Variants in FARP1 observed in about 807,000 individuals in gnomAD.
The protein encoded by FARP1 is FERM, ARH/RhoGEF and pleckstrin domain protein 1.
FARP1 carries 52 observed loss-of-function variants against 128.8 expected under a neutral mutation model. The observed-to-expected ratio is 0.40, with a 90% CI of 0.32 to 0.51. The LOEUF (loss-of-function observed/expected upper bound fraction) is 0.51, where lower values mean the gene tolerates loss of function less well. Ranked by LOEUF, FARP1 falls within the 20% of genes least tolerant of loss-of-function variation. The pLI is 0.45. For missense variants in FARP1, 1,333 were observed against 1,367.9 expected, an observed-to-expected ratio of 0.97 and a Z score of 0.40; for synonymous variants, 580 against 551.8, an observed-to-expected ratio of 1.05 and a Z score of -0.72.
chr13:98,288,775 A>G (rs150104232), intron 2 of FARP1, among the ~76,000 whole-genome samples: 18 of 152,306 alleles, frequency 1.2e-4, no homozygotes, highest in African/African-American at 4.3e-4. Flanking sequence ...CCCCTGCTGG[A>G]TATCCAGTGA....
At chr13:98,150,478 A>G (rs931696918) in intron 1 of FARP1, among the ~76,000 whole-genome samples, 8 of 152,240 alleles carry the variant, frequency 5.3e-5, no homozygotes, top group Admixed American at 3.3e-4. Flanking sequence ...CTTTGTAAAG[A>G]TCTACATAGT....
At chr13:98,151,896 A>C (rs1379501244) in intron 1 of FARP1, among the ~76,000 whole-genome samples, 1 of 151,964 alleles carries the variant, frequency 6.6e-6, no homozygotes, top group Admixed American at 6.6e-5. Flanking sequence ...TCCTGACTTC[A>C]GGTGATCTGT....
At chr13:98,225,967 C>A (rs527854827) in intron 2 of FARP1, among the ~76,000 whole-genome samples, 39 of 151,878 alleles carry the variant, frequency 2.6e-4, no homozygotes, top group African/African-American at 8.7e-4. Flanking sequence ...CTGCTGGCAC[C>A]GTCTCTGCCA....
intron 16 of FARP1, among the ~76,000 whole-genome samples, chr13:98,424,059 A>G (rs1369709313): frequency 6.6e-6 from 1 of 152,102 alleles, no homozygotes; most frequent in African/African-American, 2.4e-5. Flanking sequence ...TCAGTTATGC[A>G]TTTCTCTTCC....
chr13:98,160,392 C>T (rs148618783), intron 1 of FARP1, among the ~76,000 whole-genome samples: 1 of 152,238 alleles, frequency 6.6e-6, no homozygotes, highest in African/African-American at 2.4e-5. Flanking sequence ...AGCCATCCTA[C>T]ACAGATCGTA....
chr13:98,243,809 G>A (rs2139458986), intron 2 of FARP1, among the ~76,000 whole-genome samples: 1 of 142,954 alleles, frequency 7.0e-6, no homozygotes, highest in African/African-American at 2.6e-5. Flanking sequence ...CAGTTATTTT[G>A]TAACAAAAAC....
intron 2 of FARP1, among the ~76,000 whole-genome samples, chr13:98,270,367 C>G (rs1225075872): frequency 6.6e-6 from 1 of 152,000 alleles, no homozygotes; most frequent in Non-Finnish European, 1.5e-5. Context: ...TGCTTATTTT[C>G]CAAGAGCTCT....
chr13:98,367,696 A>C (rs1889155244), intron 4 of FARP1, among the ~76,000 whole-genome samples: 1 of 152,182 alleles, frequency 6.6e-6, no homozygotes, highest in Non-Finnish European at 1.5e-5. Context: ...AGAGGCTGAA[A>C]ACATATTTGA....
chr13:98,153,429 TTATA>T (rs1260515371), intron 1 of FARP1, among the ~76,000 whole-genome samples: 2 of 137,994 alleles, frequency 1.4e-5, no homozygotes, highest in African/African-American at 2.6e-5. Context: ...ATGTAACACA[TTATA>T]TATAAATATG....
intron 4 of FARP1, 105 bp from the exon 5 acceptor site, chr13:98,368,012 A>G: frequency 1.2e-6 from 1 of 847,488 alleles, no homozygotes; most frequent in Non-Finnish European, 1.9e-6. Flanking sequence ...TGCACTTGGC[A>G]GCTTGGAATG....
At chr13:98,335,510 G>T (rs1210162451) in intron 2 of FARP1, among the ~76,000 whole-genome samples, 1 of 152,118 alleles carries the variant, frequency 6.6e-6, no homozygotes, top group Non-Finnish European at 1.5e-5. Flanking sequence ...CACAACACAT[G>T]GGAATCTACA....
At chr13:98,147,329 T>C (rs774693) in intron 1 of FARP1, among the ~76,000 whole-genome samples, 40,198 of 152,042 alleles carry the variant, frequency 0.26, 6,442 homozygotes, top group Non-Finnish European at 0.35. Flanking sequence ...CTTAGTTTAA[T>C]GTGGGATGGA....
rs1208420297 is a variant in FARP1 at position 98,376,415 on chromosome 13, AC to A, written c.399-1404del. ...CTGGCTTATTTCACTTAACATAATG[AC>A]CTCCAGTTCCAATCATGCTGTGCAA... is the stretch of plus-strand genomic sequence containing the variant. On this transcript the variant is annotated intron_variant, in intron 5 of 26. Transcript: ENST00000319562. Among the ~76,000 whole-genome samples, 3 of 152,158 alleles carry A rather than the reference AC, an allele frequency of 2.0e-5. No homozygotes were observed. The East Asian group carries it at 5.8e-4, about 29-fold the overall frequency.
At chr13:98,393,924 G>C (rs934448782) in intron 12 of FARP1, among the ~76,000 whole-genome samples, 1 of 152,182 alleles carries the variant, frequency 6.6e-6, no homozygotes, top group Non-Finnish European at 1.5e-5. Flanking sequence ...CGTGGAGTGT[G>C]TTGTGTTTTC....
intron 18 of FARP1, chr13:98,435,139 A>G (rs1429276407): frequency 6.3e-6 from 1 of 157,910 alleles, no homozygotes; most frequent in Admixed American, 6.2e-5. Flanking sequence ...CACAATATCA[A>G]TTACACCTCC....
chr13:98,199,609 G>A (rs1594260338), intron 1 of FARP1, among the ~76,000 whole-genome samples: 1 of 152,186 alleles, frequency 6.6e-6, no homozygotes, highest in African/African-American at 2.4e-5. Flanking sequence ...GCCAGGCAAG[G>A]GTTGGGTGCT....
At chr13:98,268,630 G>A (rs1884243877) in intron 2 of FARP1, among the ~76,000 whole-genome samples, 1 of 152,044 alleles carries the variant, frequency 6.6e-6, no homozygotes, top group Non-Finnish European at 1.5e-5. Context: ...AACACGCCCG[G>A]CTAATTTTTG....
At chr13:98,440,510 G>T (rs1873374564) in intron 23 of FARP1, among the ~76,000 whole-genome samples, 160 bp from the exon 24 acceptor site, 1 of 152,202 alleles carries the variant, frequency 6.6e-6, no homozygotes. Flanking sequence ...GGGGCTCTGT[G>T]ACTGGAGCTG....
At chr13:98,291,063 CT>C (rs540900872) in intron 2 of FARP1, among the ~76,000 whole-genome samples, 145 of 152,210 alleles carry the variant, frequency 9.5e-4, no homozygotes, top group Middle Eastern at 3.4e-3. Context: ...GGTGCCCAAC[CT>C]GTGCAGTCAG....
Sources: allele counts gnomAD v4.1 joint callset (sites outside exome capture counted in the v4.1 genomes callset), GRCh38; gene constraint gnomAD v4.1.1; transcripts MANE v1.5; gene names NCBI Gene and HGNC (gene_info 2026-07-23, HGNC 2026-07-21).